Variants in TMEM132B observed in about 807,000 individuals in gnomAD.
TMEM132B encodes the protein transmembrane protein 132B.
In TMEM132B, 18 loss-of-function variants were observed where a neutral mutation model predicts 90.8. The ratio of observed to expected loss-of-function variants is 0.20; its 90% CI spans 0.14 to 0.29. The LOEUF is 0.29. TMEM132B is among the 10% of genes least tolerant of loss of function. The pLI, the probability that TMEM132B is intolerant of heterozygous loss-of-function variation, is 1.00. For missense variants in TMEM132B, 1,096 were observed against 1,326.8 expected, an observed-to-expected ratio of 0.83 and a Z score of 2.70; for synonymous variants, 504 against 523.3, an observed-to-expected ratio of 0.96 and a Z score of 0.50.
At chr12:125,268,303 G>A (rs1433961806) in intron 1 of TMEM132B, among the ~76,000 whole-genome samples, 1 of 152,208 alleles carries the variant, frequency 6.6e-6, no homozygotes, top group African/African-American at 2.4e-5. Context: ...GACTCATCCA[G>A]TTTACTTCTG....
chr12:125,538,490 T>G (rs1307152847), intron 4 of TMEM132B, among the ~76,000 whole-genome samples: 1 of 152,230 alleles, frequency 6.6e-6, no homozygotes, highest in Non-Finnish European at 1.5e-5. Flanking sequence ...AGACAGTCAC[T>G]TGGCCAGGGA....
intron 1 of TMEM132B, among the ~76,000 whole-genome samples, chr12:125,262,839 G>A (rs1874599702): frequency 6.6e-6 from 1 of 152,174 alleles, no homozygotes; most frequent in African/African-American, 2.4e-5. Context: ...GATCCCTGCA[G>A]GCATTTGACT....
intron 4 of TMEM132B, among the ~76,000 whole-genome samples, chr12:125,533,098 G>A (rs374949642): frequency 1.3e-5 from 2 of 152,224 alleles, no homozygotes; most frequent in African/African-American, 4.8e-5. Flanking sequence ...AGCTGCTGTC[G>A]TTCAATTCCA....
At chr12:125,433,884 G>A (rs1030791683) in intron 3 of TMEM132B, among the ~76,000 whole-genome samples, 2 of 151,784 alleles carry the variant, frequency 1.3e-5, no homozygotes, top group African/African-American at 2.4e-5. Context: ...TTTTCCTTTC[G>A]TATGTGTTAT....
At chr12:125,440,660 G>T (rs1257957879) in intron 3 of TMEM132B, among the ~76,000 whole-genome samples, 2 of 152,188 alleles carry the variant, frequency 1.3e-5, no homozygotes, top group Non-Finnish European at 2.9e-5. Context: ...GTGAACTATT[G>T]CTACTCAGTG....
intron 3 of TMEM132B, among the ~76,000 whole-genome samples, chr12:125,513,347 C>CGT (rs1883030328): frequency 2.0e-5 from 3 of 151,886 alleles, no homozygotes; most frequent in Non-Finnish European, 4.4e-5. Flanking sequence ...TGCCTGTGTG[C>CGT]GTGTGTGCGT....
chr12:125,325,102 G>A (rs1192549612), intron 1 of TMEM132B, among the ~76,000 whole-genome samples: 1 of 152,128 alleles, frequency 6.6e-6, no homozygotes, highest in African/African-American at 2.4e-5. Context: ...GTTCCATTGT[G>A]TTTACAATTT....
At chr12:125,297,740 C>T (rs1192855158) in intron 1 of TMEM132B, among the ~76,000 whole-genome samples, 1 of 152,188 alleles carries the variant, frequency 6.6e-6, no homozygotes, top group East Asian at 1.9e-4. Context: ...TTTGGAGGAA[C>T]ATGAGCCCTG....
chr12:125,524,227 A>G (rs1052222195), intron 4 of TMEM132B, among the ~76,000 whole-genome samples: 1 of 152,210 alleles, frequency 6.6e-6, no homozygotes, highest in South Asian at 2.1e-4. Context: ...AAATATGAAC[A>G]TGCTTAAACT....
At chr12:125,594,919 C>T (rs1232892829) in intron 5 of TMEM132B, among the ~76,000 whole-genome samples, 3 of 151,950 alleles carry the variant, frequency 2.0e-5, no homozygotes, top group Non-Finnish European at 4.4e-5. Flanking sequence ...TTTTTTCAAC[C>T]TCATCAGCTC....
rs145756543 is a variant in TMEM132B at position 125,231,527 on chromosome 12, G to A, written c.67+44661G>A. Among the ~76,000 whole-genome samples the A allele has an allele frequency of 1.2e-3, 182 of 152,224 alleles. 1 individual carries two copies. The highest frequency in any genetic ancestry group is 2.2e-3 in the Non-Finnish European group (149 of 68,012). ...TGAGCATGTTTGTCTTAATAGAAGC[G>A]ATGTGAATAATCTGGCACATTTATA... On this transcript the variant is annotated intron_variant, in intron 1 of 8. Transcript: ENST00000682704.
In TMEM132B at chr12:125,339,978, G is replaced by A. The variant is rs118085441; in HGVS notation, c.68-9474G>A. ...AATCCACATTAATTTCAGCTACAATGTATTCATATGAGTGTAGTCACACAG... is the reference window on the plus strand; with the variant it reads ...AATCCACATTAATTTCAGCTACAATATATTCATATGAGTGTAGTCACACAG... On this transcript the variant is annotated intron_variant, in intron 1 of 8. Transcript: ENST00000682704. Among the ~76,000 whole-genome samples the A allele has an allele frequency of 1.3e-3, 196 of 152,298 alleles. 3 individuals are homozygous for A. The East Asian group carries it at 0.033, about 26-fold the overall frequency.
chr12:125,318,764 T>C (rs534231345), intron 1 of TMEM132B, among the ~76,000 whole-genome samples: 2 of 152,326 alleles, frequency 1.3e-5, no homozygotes, highest in South Asian at 2.1e-4. Flanking sequence ...CAGTCTACCA[T>C]TGATGGGCAT....
chr12:125,188,197 G>A (rs1226504144), intron 1 of TMEM132B, among the ~76,000 whole-genome samples: 2 of 152,106 alleles, frequency 1.3e-5, no homozygotes, highest in African/African-American at 2.4e-5. Flanking sequence ...GTCAGCGTTC[G>A]GCTTTGGTTC....
intron 2 of TMEM132B, among the ~76,000 whole-genome samples, chr12:125,389,470 G>C (rs1182114696): frequency 6.6e-6 from 1 of 151,798 alleles, no homozygotes; most frequent in African/African-American, 2.4e-5. Context: ...TAGCCCTAGA[G>C]CCACCACACT....
At chr12:125,505,676 C>T (rs1449931619) in intron 3 of TMEM132B, among the ~76,000 whole-genome samples, 7 of 148,166 alleles carry the variant, frequency 4.7e-5, no homozygotes, top group East Asian at 3.9e-4. Flanking sequence ...CAAGCTTGGG[C>T]GACAAGAGCG....
chr12:125,661,668 G>A lies in TMEM132B; in HGVS notation c.*6958G>A, dbSNP rs1887208872. 1 of 152,166 alleles carries A rather than the reference G, an allele frequency of 6.6e-6. No individual in the cohort carries two copies. Among genetic ancestry groups the A allele is most frequent in the African/African-American group, 2.4e-5 (1 of 41,430 alleles). 9.4% of individuals were successfully genotyped at this position (152,166 alleles called of 1,614,324 possible). A position where few individuals can be genotyped will look rare whatever the true frequency, so the allele number is the denominator to read the frequency against. ...CAATTGTCCAACCTCCATTACAGGG[G>A]TCTTCTAGGTATTCCCCACACATTA... On this transcript the variant is annotated 3_prime_UTR_variant, in exon 9 of 9. Coordinates refer to ENST00000682704, the MANE Select transcript of TMEM132B (RefSeq NM_001366854.1).
At chr12:125,398,342 G>A (rs1460100870) in intron 2 of TMEM132B, among the ~76,000 whole-genome samples, 1 of 152,208 alleles carries the variant, frequency 6.6e-6, no homozygotes, top group Admixed American at 6.5e-5. Flanking sequence ...ACCATTGCCT[G>A]TAGGGACCAG....
At chr12:125,315,909 C>T (rs1876256647) in intron 1 of TMEM132B, among the ~76,000 whole-genome samples, 1 of 152,120 alleles carries the variant, frequency 6.6e-6, no homozygotes, top group Non-Finnish European at 1.5e-5. Context: ...AATGGAGGTA[C>T]TTAGGACAAC....
Sources: gnomAD v4.1 joint callset for allele counts (sites outside exome capture counted in the v4.1 genomes callset) on GRCh38, gnomAD v4.1.1 for gene constraint, MANE v1.5 for transcripts, NCBI Gene and HGNC (gene_info 2026-07-23, HGNC 2026-07-21) for gene names.